Variants in TET3 observed in about 807,000 individuals in gnomAD.
TET3 encodes tet methylcytosine dioxygenase 3.
TET3 carries 19 observed loss-of-function variants against 141.4 expected under a neutral mutation model. The observed-to-expected ratio is 0.13, with a 90% confidence interval of 0.09 to 0.20. The LOEUF (loss-of-function observed/expected upper bound fraction) is 0.20, where lower values mean the gene tolerates loss of function less well. TET3 is among the 10% of genes least tolerant of loss of function. The pLI, the probability that TET3 is intolerant of heterozygous loss-of-function variation, is 1.00. For missense variants in TET3, 1,874 were observed against 2,356.9 expected, an observed-to-expected ratio of 0.80 and a Z score of 4.24; for synonymous variants, 1,043 against 980.9, an observed-to-expected ratio of 1.06 and a Z score of -1.18.
chr2:74,128,676 A>G, the TET3 span, among the ~76,000 whole-genome samples: 1 of 151,828 alleles, frequency 6.6e-6, no homozygotes, highest in Non-Finnish European at 1.5e-5. Context: ...TAAAGACTAT[A>G]AAAAAATAAT....
intron 3 of TET3, among the ~76,000 whole-genome samples, chr2:74,014,758 G>A (rs1685643236): frequency 6.6e-6 from 1 of 152,140 alleles, no homozygotes; most frequent in Non-Finnish European, 1.5e-5. Context: ...GCCTTGCTGA[G>A]CTGGTCTAGG....
At chr2:74,008,174 A>G (rs546231579) in intron 3 of TET3, among the ~76,000 whole-genome samples, 2 of 152,234 alleles carry the variant, frequency 1.3e-5, no homozygotes, top group East Asian at 1.9e-4. Context: ...CCACTCTTCT[A>G]TACCCTCCAT....
intron 6 of TET3, among the ~76,000 whole-genome samples, chr2:74,085,557 G>A (rs1463577501): frequency 2.6e-5 from 4 of 152,242 alleles, no homozygotes; most frequent in Non-Finnish European, 1.5e-5. Context: ...TGGCACCAGG[G>A]ACTGGTTTCG....
rs1028670166 is a variant in TET3 at position 74,093,129 on chromosome 2, G to A, written c.3129+138G>A. ...TAGTCCAGAAGTAAAGCGATATGAT[G>A]TGGTTCTTTGATAAAAACCCCTTTT... On this transcript the variant is annotated intron_variant, in intron 9 of 11. Transcript: ENST00000409262. The surrounding 1 kb of genome is among the most constrained non-coding windows in gnomAD (Gnocchi z 4.2). 2.0e-5 allele frequency: 16 copies of A among 817,796 alleles called. No homozygotes were observed. Among genetic ancestry groups the A allele is most frequent in the Non-Finnish European group, 2.9e-5 (15 of 516,164 alleles). 50.7% of individuals were successfully genotyped at this position (817,796 alleles called of 1,614,324 possible).
intron 3 of TET3, among the ~76,000 whole-genome samples, chr2:74,015,130 A>G (rs535986739): frequency 5.3e-5 from 8 of 152,318 alleles, no homozygotes; most frequent in Admixed American, 2.0e-4. Flanking sequence ...GTCGCACCCA[A>G]GGGAGAAGGT....
chr2:74,029,825 C>T (rs1472579036), intron 3 of TET3, among the ~76,000 whole-genome samples: 2 of 152,180 alleles, frequency 1.3e-5, no homozygotes, highest in Admixed American at 1.3e-4. Context: ...TTGTAGTATG[C>T]CTTTGATATC....
At position 73,985,992 on chromosome 2, in the gene TET3, T is replaced by TCTC; in HGVS notation, c.-410_-408dup. 1 of 164,244 alleles carries TCTC rather than the reference T, an allele frequency of 6.1e-6. No individual in the cohort carries two copies. The highest frequency in any genetic ancestry group is 1.3e-5 in the Non-Finnish European group (1 of 76,614). 10.2% of individuals were successfully genotyped at this position (164,244 alleles called of 1,614,324 possible). On this transcript the variant is annotated 5_prime_UTR_variant, in exon 2 of 12. Transcript: ENST00000409262. ...CTGTCTTTTTCAGGCAGCACTGCCT[T>TCTC]CTCCAGCGTCCAGACCCTGGAGGAA...
chr2:74,062,505 G>T (rs1013200668), intron 4 of TET3, among the ~76,000 whole-genome samples: 7 of 152,168 alleles, frequency 4.6e-5, no homozygotes, highest in Non-Finnish European at 1.0e-4. Context: ...ATATGTTCCT[G>T]AGGATACCAG....
chr2:74,015,728 A>G (rs957145161), intron 3 of TET3, among the ~76,000 whole-genome samples: 1 of 152,228 alleles, frequency 6.6e-6, no homozygotes, highest in African/African-American at 2.4e-5. Flanking sequence ...GTGTTTGTAT[A>G]GAACAAAATC....
rs113493093 is a variant in TET3, at chr2:74,044,106, G to C, written c.361-2172G>C. 5.5e-3 allele frequency among the ~76,000 whole-genome samples: 832 copies of C among 152,266 alleles called. 6 individuals are homozygous for C. Among genetic ancestry groups the C allele is most frequent in the African/African-American group, 0.019 (794 of 41,544 alleles). On this transcript the variant is annotated intron_variant, in intron 3 of 11. Transcript: ENST00000409262. ...GATCGCTTGAGTCCAGGAGTTCAAG[G>C]CTGCAGTGAACTGTGATCACACCAC...
intron 10 of TET3, among the ~76,000 whole-genome samples, chr2:74,096,171 T>G (rs774882685): frequency 1.3e-5 from 2 of 152,200 alleles, no homozygotes; most frequent in South Asian, 4.1e-4. Context: ...GATTTTCCCT[T>G]TGGTCTGTTG....
chr2:73,992,301 T>TTTTCTTTTTTTTTTCTTTTTTTC (rs11267555), intron 2 of TET3, among the ~76,000 whole-genome samples: 1 of 145,424 alleles, frequency 6.9e-6, no homozygotes, highest in Admixed American at 6.9e-5. Flanking sequence ...TCTTTTTTTC[T>TTTTCTTTTTTTTTTCTTTTTTTC]TTTCTTTTTT....
At chr2:74,073,761 C>T (rs577141896) in intron 5 of TET3, 122 bp downstream of exon 5, 81 of 766,908 alleles carry the variant, frequency 1.1e-4, no homozygotes, top group Admixed American at 8.6e-4. Context: ...ACCCTGATAA[C>T]GGGCTTAGGG....
At chr2:73,992,407 C>T (rs765984033) in intron 2 of TET3, among the ~76,000 whole-genome samples, 1 of 151,370 alleles carries the variant, frequency 6.6e-6, no homozygotes, top group South Asian at 2.1e-4. Flanking sequence ...TCCACCTCCC[C>T]GGTTCAAGCG....
rs1437398059 is a variant in TET3 at position 73,988,990 on chromosome 2, G to GTTTTTT, written c.303+2287_303+2292dup. Among the ~76,000 whole-genome samples, 63 of 106,324 alleles carry GTTTTTT rather than the reference G, an allele frequency of 5.9e-4. 4 individuals carry two copies. Among genetic ancestry groups the GTTTTTT allele is most frequent in the African/African-American group, 1.9e-3 (51 of 27,140 alleles). 69.8% of individuals were successfully genotyped at this position (106,324 alleles called of 152,430 possible). A position where few individuals can be genotyped will look rare whatever the true frequency, so the allele number is the denominator to read the frequency against. On this transcript the variant is annotated intron_variant, in intron 2 of 11. Coordinates refer to ENST00000409262, the MANE Select transcript of TET3 (RefSeq NM_001287491.2). ...GTGCCTCTCTCTGAAAAAAAAAAAA[G>GTTTTTT]TTTTTTTTGTTTTTTTTTTTTTTTG...
chr2:73,986,876 T>G (rs1012046192), intron 2 of TET3, among the ~76,000 whole-genome samples, 170 bp downstream of exon 2: 1 of 152,184 alleles, frequency 6.6e-6, no homozygotes, highest in Non-Finnish European at 1.5e-5. Flanking sequence ...TTTGCAGGGC[T>G]GACAATTTGT....
the TET3 span, chr2:74,122,505 A>T: frequency 2.6e-4 from 17 of 66,466 alleles, no homozygotes; most frequent in African/African-American, 9.8e-4. Context: ...ATATATATAT[A>T]TATATATTTT....
Position 74,101,473 on chromosome 2 carries a change from G to A in TET3, c.4685G>A (p.Gly1562Glu). The A allele has an allele frequency of 6.2e-7, 1 of 1,613,666 alleles. No homozygotes were observed. The highest frequency in any genetic ancestry group is 8.5e-7 in the Non-Finnish European group (1 of 1,179,824). The change falls in exon 12 of 12, where the codon GGA (glycine) becomes GAA (glutamate). Residue 1562 changes from glycine (G) to glutamate (E), a missense_variant. Gly to Glu is a moderately conservative substitution (Grantham distance 98, BLOSUM62 -2). This residue lies in a region of TET3 where 602 missense variants were observed against 590.2 expected (regional missense o/e 1.02). Coordinates refer to ENST00000409262, the MANE Select transcript of TET3 (RefSeq NM_001287491.2). This position sits in a 1 kb window ranked among gnomAD's most constrained non-coding sequence, Gnocchi z 8.5. ...FQDKLWNPMK[G>E]EEGRIPAAGA... The stretch of plus-strand genomic sequence containing the variant: ...GACAAGCTGTGGAACCCCATGAAAG[G>A]AGAGGAGGGCAGGATTCCAGCCGCA...
At chr2:73,994,970 CTGTT>C (rs927232874) in intron 2 of TET3, among the ~76,000 whole-genome samples, 1 of 149,044 alleles carries the variant, frequency 6.7e-6, no homozygotes, top group Non-Finnish European at 1.5e-5. Flanking sequence ...TTTTTTTTGT[CTGTT>C]TGTTTTGACG....
Sources: gnomAD v4.1 joint callset for allele counts (sites outside exome capture counted in the v4.1 genomes callset) on GRCh38, gnomAD v4.1.1 for gene constraint, gnomAD v4.1.1 regional missense constraint, Gnocchi (gnomAD v3.1) non-coding constraint, MANE v1.5 for transcripts, NCBI Gene and HGNC (gene_info 2026-07-23, HGNC 2026-07-21) for gene names.